GABBR1: variants seen among roughly 807,000 people sequenced by gnomAD.
GABBR1 encodes the protein gamma-aminobutyric acid type B receptor subunit 1.
A neutral mutation model predicts 117.7 loss-of-function variants in GABBR1; 35 were observed. The ratio of observed to expected loss-of-function variants is 0.30; its 90% CI spans 0.23 to 0.39. The LOEUF is 0.39. GABBR1 is among the 10% of genes least tolerant of loss of function. The pLI is 1.00. For missense variants in GABBR1, 709 were observed against 1,241.8 expected (o/e 0.57, Z 6.45); for synonymous variants, 442 against 486.6 (o/e 0.91, Z 1.21).
In GABBR1 at chr6:29,627,675, G is replaced by A; in HGVS notation, c.497-29C>T. The A allele has an allele frequency of 6.5e-7, 1 of 1,536,458 alleles. No individual in the cohort carries two copies. Among genetic ancestry groups the A allele is most frequent in the African/African-American group, 1.4e-5 (1 of 73,126 alleles). ...AGGAGGGGTGCGGGGGGACCCGCGA[G>A]TGAGGCCGCGGGAGATGGGGGGAGT... On this transcript the variant is annotated intron_variant, in intron 5 of 22. Coordinates refer to ENST00000377034, the MANE Select transcript of GABBR1 (RefSeq NM_001470.4). The surrounding 1 kb of genome is among the most constrained non-coding windows in gnomAD (Gnocchi z 4.4).
chr6:29,630,518 C>A lies in GABBR1; in HGVS notation c.415G>T (p.Gly139Cys). ...FRCDPDFHLV[G>C]SSRSICSQGQ... ...TGACTACAGATGCTCCGGGAGCTGC[C>A]CACCAGATGGAAGTCGGGGTCACAC... The change falls in exon 4 of 23, where the codon GGC becomes TGC. Residue 139 changes from glycine to cysteine, a missense_variant. Gly to Cys is a radical substitution (Grantham distance 159, BLOSUM62 -3). Coordinates refer to ENST00000377034, the MANE Select transcript of GABBR1 (RefSeq NM_001470.4). This position sits in a 1 kb window ranked among gnomAD's most constrained non-coding sequence, Gnocchi z 4.9. 1 of 1,613,068 alleles carries A rather than the reference C, an allele frequency of 6.2e-7. No individual in the cohort carries two copies. Among genetic ancestry groups the A allele is most frequent in the Non-Finnish European group, 8.5e-7 (1 of 1,180,028 alleles).
rs1761788539 is a variant in GABBR1 at position 29,604,875 on chromosome 6, CACA to C, written c.2550_2552del (p.Val851del). 2 of 1,612,372 alleles carry C rather than the reference CACA, an allele frequency of 1.2e-6. No homozygotes were observed. The highest frequency in any genetic ancestry group is 1.1e-5 in the South Asian group (1 of 90,972). On this transcript the variant is annotated inframe_deletion, in exon 21 of 23. Coordinates refer to ENST00000377034, the MANE Select transcript of GABBR1 (RefSeq NM_001470.4). The surrounding 1 kb of genome is among the most constrained non-coding windows in gnomAD (Gnocchi z 5.3). ...AGATCCTTACCTTGGGCACAAAGAG[CACA>C]ACAAGAGTGATATAGGAGGAGAAAA... is the stretch of plus-strand genomic sequence containing the variant.
rs1761885005 is a variant in GABBR1, at chr6:29,605,781, A to G, written c.2312-85T>C. ...CCCATCCCCTCTCTGCCCTTCACCT[A>G]CTCTGAAATGGAAAGGGGGCCCTCC... On this transcript the variant is annotated intron_variant, in intron 19 of 22. Coordinates refer to ENST00000377034, the MANE Select transcript of GABBR1 (RefSeq NM_001470.4). This position sits in a 1 kb window ranked among gnomAD's most constrained non-coding sequence, Gnocchi z 4.2. 6.6e-7 allele frequency: 1 copy of G among 1,510,176 alleles called. No homozygotes were observed. The highest frequency in any genetic ancestry group is 1.9e-5 in the Admixed American group (1 of 53,020). 93.5% of individuals were successfully genotyped at this position (1,510,176 alleles called of 1,614,324 possible). A position where few individuals can be genotyped will look rare whatever the true frequency, so the allele number is the denominator to read the frequency against.
intron 6 of GABBR1, among the ~76,000 whole-genome samples, chr6:29,626,662 C>T (rs920197453): frequency 2.0e-5 from 3 of 152,006 alleles, no homozygotes; most frequent in African/African-American, 4.8e-5. Flanking sequence ...AAGGTCAGGA[C>T]CCAAGTTCCA....
In GABBR1 at chr6:29,609,403, G is replaced by T; in HGVS notation, c.1709-24C>A. On this transcript the variant is annotated intron_variant, in intron 14 of 22. Transcript: ENST00000377034. The surrounding 1 kb of genome is among the most constrained non-coding windows in gnomAD (Gnocchi z 4.3). ...TCCTGCATGGCACAGGGGAGGAAGA[G>T]GGGAAGGGAAAAGAGAAGGGAAGGA... 1 of 1,610,066 alleles carries T rather than the reference G, an allele frequency of 6.2e-7. No homozygotes were observed. The highest frequency in any genetic ancestry group is 8.5e-7 in the Non-Finnish European group (1 of 1,177,758).
chr6:29,629,026 G>A, intron 5 of GABBR1, 61 bp downstream of exon 5: 5 of 1,595,424 alleles, frequency 3.1e-6, no homozygotes, highest in Non-Finnish European at 3.4e-6. Flanking sequence ...TCAGGGGGGT[G>A]GAGGGTGCAG....
Position 29,613,127 on chromosome 6 carries a change from G to T in GABBR1, c.1566+116C>A. 8.8e-7 allele frequency: 1 copy of T among 1,140,768 alleles called. No homozygotes were observed. The highest frequency in any genetic ancestry group is 1.3e-6 in the Non-Finnish European group (1 of 783,854). The allele number at this position is 1,140,768 out of a possible 1,614,324, so 70.7% of individuals were successfully genotyped here. A position where few individuals can be genotyped will look rare whatever the true frequency, so the allele number is the denominator to read the frequency against. The stretch of plus-strand genomic sequence containing the variant: ...GTCCCTACTTCTCTGGTCGGAGACT[G>T]ATTCTGCAAAGAAGTAACTGAGAAA... On this transcript the variant is annotated intron_variant, in intron 12 of 22. Transcript: ENST00000377034. This position sits in a 1 kb window ranked among gnomAD's most constrained non-coding sequence, Gnocchi z 4.1.
At position 29,605,374 on chromosome 6, in the gene GABBR1, A is replaced by G; in HGVS notation, c.2439+195T>C. On this transcript the variant is annotated intron_variant, in intron 20 of 22. Coordinates refer to ENST00000377034, the MANE Select transcript of GABBR1 (RefSeq NM_001470.4). This position sits in a 1 kb window ranked among gnomAD's most constrained non-coding sequence, Gnocchi z 4.2. Reference sequence around the variant, plus strand: ...GATACTAATATCTACTTCACTGGGTAGTTGCAAGATTAATGATACAATGTC... The same window carrying G: ...GATACTAATATCTACTTCACTGGGTGGTTGCAAGATTAATGATACAATGTC... 1 of 653,132 alleles carries G rather than the reference A, an allele frequency of 1.5e-6. No homozygotes were observed. The highest frequency in any genetic ancestry group is 2.6e-5 in the East Asian group (1 of 39,014). The allele number at this position is 653,132 out of a possible 1,614,324, so 40.5% of individuals were successfully genotyped here.
intron 6 of GABBR1, among the ~76,000 whole-genome samples, chr6:29,624,816 G>C (rs533708081): frequency 1.1e-4 from 17 of 152,068 alleles, no homozygotes; most frequent in African/African-American, 3.9e-4. Flanking sequence ...AGGGGAAATG[G>C]GGGAGGAAGA....
intron 11 of GABBR1, among the ~76,000 whole-genome samples, chr6:29,617,706 G>A (rs2127422189): frequency 6.6e-6 from 1 of 152,246 alleles, no homozygotes; most frequent in Middle Eastern, 3.4e-3. Context: ...CTCCCAAACA[G>A]CTCCCAGTAA....
intron 22 of GABBR1, 86 bp from the exon 23 acceptor site, chr6:29,603,802 G>T: frequency 1.9e-6 from 2 of 1,050,034 alleles, no homozygotes; most frequent in Non-Finnish European, 2.6e-6. Context: ...AGGGCACAGG[G>T]AAAGAGAGGA....
intron 13 of GABBR1, 118 bp downstream of exon 13, chr6:29,612,433 A>G (rs1762641680): frequency 1.5e-6 from 1 of 689,148 alleles, no homozygotes; most frequent in Non-Finnish European, 2.5e-6. Context: ...AGAGAAGGGC[A>G]GAAGTTGGGA....
At chr6:29,612,905 T>C (rs759492872) in intron 12 of GABBR1, among the ~76,000 whole-genome samples, 1 of 152,224 alleles carries the variant, frequency 6.6e-6, no homozygotes, top group African/African-American at 2.4e-5. Flanking sequence ...AGCAAATCTC[T>C]CTGGAAACTA....
rs1213068327 is a variant in GABBR1, at chr6:29,622,879, T to C, written c.963+426A>G. Among the ~76,000 whole-genome samples the C allele has an allele frequency of 1.3e-5, 2 of 151,666 alleles. No homozygotes were observed. The highest frequency in any genetic ancestry group is 4.9e-5 in the African/African-American group (2 of 41,232). On this transcript the variant is annotated intron_variant, in intron 8 of 22. Coordinates refer to ENST00000377034, the MANE Select transcript of GABBR1 (RefSeq NM_001470.4). This position sits in a 1 kb window ranked among gnomAD's most constrained non-coding sequence, Gnocchi z 4.6. ...TCTCTCTCTCTCTCTTTCCTCTCCC[T>C]CTCTCCTCTGTAATCCACTGGCTCC...
At position 29,621,240 on chromosome 6, in the gene GABBR1, C is replaced by CACCCAATGAGGAACCAGACGTACTTCT; in HGVS notation, c.1157_1183dup (p.Gly394_Trp395insTer). The CACCCAATGAGGAACCAGACGTACTTCT allele has an allele frequency of 6.2e-7, 1 of 1,612,996 alleles. No homozygotes were observed. Among genetic ancestry groups the CACCCAATGAGGAACCAGACGTACTTCT allele is most frequent in the Non-Finnish European group, 8.5e-7 (1 of 1,180,000 alleles). On this transcript the variant is annotated stop_gained, in exon 11 of 23. Coordinates refer to ENST00000377034, the MANE Select transcript of GABBR1 (RefSeq NM_001470.4). LOFTEE classifies it high-confidence loss of function. The surrounding 1 kb of genome is among the most constrained non-coding windows in gnomAD (Gnocchi z 5.0). Reference sequence around the variant, plus strand: ...GATCTTGAACCAATTGTCAGCATACCACCCAATGAGGAACCAGACGTACTT... The same window carrying CACCCAATGAGGAACCAGACGTACTTCT: ...GATCTTGAACCAATTGTCAGCATACCACCCAATGAGGAACCAGACGTACTTCTACCCAATGAGGAACCAGACGTACTT...
Position 29,606,514 on chromosome 6 carries a change from T to G in GABBR1, c.2218-30A>C. The G allele has an allele frequency of 1.3e-6, 2 of 1,494,116 alleles. No homozygotes were observed. Among genetic ancestry groups the G allele is most frequent in the East Asian group, 2.3e-5 (1 of 44,350 alleles). 92.6% of individuals were successfully genotyped at this position (1,494,116 alleles called of 1,614,324 possible). On this transcript the variant is annotated intron_variant, in intron 18 of 22. Coordinates refer to ENST00000377034, the MANE Select transcript of GABBR1 (RefSeq NM_001470.4). This position sits in a 1 kb window ranked among gnomAD's most constrained non-coding sequence, Gnocchi z 4.5. ...GGCAGAAACAAGGTCACAAGAAAGA[T>G]GGTTGCCAGCCTCCCCTCCTCTCCT...
At chr6:29,624,914 G>A (rs1764116604) in intron 6 of GABBR1, among the ~76,000 whole-genome samples, 1 of 152,108 alleles carries the variant, frequency 6.6e-6, no homozygotes, top group African/African-American at 2.4e-5. Flanking sequence ...ATGTGAAGAC[G>A]AAATGGCAGC....
chr6:29,618,877 G>C (rs990914299), intron 11 of GABBR1, among the ~76,000 whole-genome samples: 7 of 152,126 alleles, frequency 4.6e-5, no homozygotes, highest in African/African-American at 1.7e-4. Context: ...TAGATATCAG[G>C]AGCATGTATC....
chr6:29,622,249 T>G lies in GABBR1; in HGVS notation c.964-44A>C. 1 of 1,325,208 alleles carries G rather than the reference T, an allele frequency of 7.5e-7. No homozygotes were observed. The highest frequency in any genetic ancestry group is 1.1e-6 in the Non-Finnish European group (1 of 919,434). The allele number at this position is 1,325,208 out of a possible 1,614,324, so 82.1% of individuals were successfully genotyped here. Reference sequence around the variant, plus strand: ...ACAAGTTGGAAAAACACGGGGTGCATGAGGGAATAAAGACCAGAGAGGTTA... The same window carrying G: ...ACAAGTTGGAAAAACACGGGGTGCAGGAGGGAATAAAGACCAGAGAGGTTA... On this transcript the variant is annotated intron_variant, in intron 8 of 22. Transcript: ENST00000377034. The surrounding 1 kb of genome is among the most constrained non-coding windows in gnomAD (Gnocchi z 4.6).
Sources: gnomAD v4.1 joint callset for allele counts (sites outside exome capture counted in the v4.1 genomes callset) on GRCh38, gnomAD v4.1.1 for gene constraint, Gnocchi (gnomAD v3.1) non-coding constraint, MANE v1.5 for transcripts, NCBI Gene and HGNC (gene_info 2026-07-23, HGNC 2026-07-21) for gene names.